The following COL23A1 variants were observed in gnomAD, a reference collection of about 807,000 sequenced individuals.
The protein encoded by COL23A1 is collagen type XXIII alpha 1 chain, also known as collagen alpha-1(XXIII) chain.
A neutral mutation model predicts 99.3 loss-of-function variants in COL23A1; 97 were observed. That is an observed-to-expected ratio of 0.98 (90% confidence interval 0.83 to 1.16). The LOEUF (loss-of-function observed/expected upper bound fraction) is 1.16, where lower values mean the gene tolerates loss of function less well. Among genes scored for constraint, COL23A1 ranks in the 50% most tolerant of loss-of-function variants. COL23A1 has a pLI of 0.00. For missense variants in COL23A1, 762 were observed against 757.4 expected (o/e 1.01, Z -0.07); for synonymous variants, 320 against 308.2 (o/e 1.04, Z -0.40).
At chr5:178,344,770 G>A (rs757803884) in intron 2 of COL23A1, 6 of 492,062 alleles carry the variant, frequency 1.2e-5, no homozygotes, top group African/African-American at 4.0e-5. Flanking sequence ...CTGTATGCCC[G>A]TTGCCTCCAG....
chr5:178,334,376 G>A (rs2973676), intron 2 of COL23A1, among the ~76,000 whole-genome samples: 76,067 of 152,102 alleles, frequency 0.5, 19,834 homozygotes, highest in East Asian at 0.81. Context: ...CCCTTTTGCC[G>A]AAAGAAATGA....
intron 8 of COL23A1, among the ~76,000 whole-genome samples, chr5:178,264,121 G>A (rs1016207503): frequency 1.3e-5 from 2 of 152,050 alleles, no homozygotes; most frequent in Admixed American, 1.3e-4. Context: ...TACACAAATC[G>A]ACGGGTGTGT....
chr5:178,323,587 G>A (rs947279743), intron 2 of COL23A1, among the ~76,000 whole-genome samples: 4 of 152,148 alleles, frequency 2.6e-5, no homozygotes, highest in African/African-American at 9.7e-5. Flanking sequence ...GGGAGCCCCT[G>A]CTGGGAGTGG....
At chr5:178,392,205 C>T (rs1167775801) in intron 2 of COL23A1, among the ~76,000 whole-genome samples, 1 of 150,884 alleles carries the variant, frequency 6.6e-6, no homozygotes, top group East Asian at 1.9e-4. Flanking sequence ...ATAAAAACCA[C>T]TGACTTCTGC....
At chr5:178,285,272 A>G (rs1398188609) in intron 5 of COL23A1, among the ~76,000 whole-genome samples, 2 of 152,172 alleles carry the variant, frequency 1.3e-5, no homozygotes, top group Admixed American at 1.3e-4. Flanking sequence ...AGTCTCCACC[A>G]CCAGAGTCTC....
chr5:178,285,573 G>C, intron 5 of COL23A1, among the ~76,000 whole-genome samples: 1 of 152,196 alleles, frequency 6.6e-6, no homozygotes, highest in Non-Finnish European at 1.5e-5. Context: ...GATATTTATA[G>C]AAGGGCTGCC....
At chr5:178,328,044 G>A (rs1342818988) in intron 2 of COL23A1, among the ~76,000 whole-genome samples, 1 of 151,902 alleles carries the variant, frequency 6.6e-6, no homozygotes, top group African/African-American at 2.4e-5. Context: ...CCAGGCCTGG[G>A]CTCTGGATCC....
At chr5:178,412,025 A>G (rs1301623743) in intron 2 of COL23A1, among the ~76,000 whole-genome samples, 1 of 152,228 alleles carries the variant, frequency 6.6e-6, no homozygotes, top group Non-Finnish European at 1.5e-5. Flanking sequence ...AGGCAAGTCC[A>G]TTGACAGAGT....
chr5:178,405,570 T>A (rs1247688248), intron 2 of COL23A1, among the ~76,000 whole-genome samples: 1 of 152,174 alleles, frequency 6.6e-6, no homozygotes, highest in Non-Finnish European at 1.5e-5. Flanking sequence ...TGACATGCAA[T>A]CGCACCTACT....
chr5:178,318,794 C>T (rs530049478), intron 2 of COL23A1, among the ~76,000 whole-genome samples: 7 of 151,512 alleles, frequency 4.6e-5, no homozygotes, highest in Admixed American at 1.3e-4. Flanking sequence ...TTCAGCTACT[C>T]GGGAGGCTGA....
At chr5:178,442,118 G>A (rs1766903595) in intron 2 of COL23A1, among the ~76,000 whole-genome samples, 2 of 151,956 alleles carry the variant, frequency 1.3e-5, no homozygotes, top group South Asian at 4.1e-4. Flanking sequence ...CCCCGAGCCT[G>A]GCCCCTGCTT....
rs1424994510 is a variant in COL23A1 at position 178,272,250 on chromosome 5, G to C, written c.442-1887C>G. On this transcript the variant is annotated intron_variant, in intron 5 of 28. Transcript: ENST00000390654. ...TGGTTCTGGACACAGCTGGGAGCTGGCCTCGTGCCTGCCAGGTAGGAGGTA... is the reference window on the plus strand; with the variant it reads ...TGGTTCTGGACACAGCTGGGAGCTGCCCTCGTGCCTGCCAGGTAGGAGGTA... 2.6e-5 allele frequency among the ~76,000 whole-genome samples: 4 copies of C among 152,190 alleles called. No homozygotes were observed. The East Asian group carries it at 7.7e-4, about 29-fold the overall frequency.
At chr5:178,327,398 A>T (rs1204589326) in intron 2 of COL23A1, among the ~76,000 whole-genome samples, 1 of 152,152 alleles carries the variant, frequency 6.6e-6, no homozygotes, top group Non-Finnish European at 1.5e-5. Context: ...GAAAACACCT[A>T]TGGAAAACCT....
chr5:178,371,618 C>T (rs975130941), intron 2 of COL23A1, among the ~76,000 whole-genome samples: 2 of 152,208 alleles, frequency 1.3e-5, no homozygotes, highest in Non-Finnish European at 2.9e-5. Flanking sequence ...CTTTGTGGCG[C>T]CCTGCCTGGC....
intron 19 of COL23A1, 87 bp downstream of exon 19, chr5:178,249,030 C>T: frequency 1.4e-6 from 2 of 1,387,164 alleles, no homozygotes; most frequent in South Asian, 2.3e-5. Flanking sequence ...GGGTCACGCC[C>T]TGGCCTCCCC....
intron 2 of COL23A1, among the ~76,000 whole-genome samples, chr5:178,510,402 TGTG>T (rs922726567): frequency 3.9e-5 from 6 of 152,062 alleles, no homozygotes; most frequent in African/African-American, 1.4e-4. Context: ...ACTAGCCAGG[TGTG>T]GTGGTGCACA....
chr5:178,362,237 G>T (rs773500809), intron 2 of COL23A1, among the ~76,000 whole-genome samples: 5 of 152,176 alleles, frequency 3.3e-5, no homozygotes, highest in South Asian at 2.1e-4. Context: ...TTTCCACCCA[G>T]AGCCCAAGTG....
chr5:178,443,674 T>C (rs1057075956), intron 2 of COL23A1, among the ~76,000 whole-genome samples: 1 of 151,740 alleles, frequency 6.6e-6, no homozygotes, highest in African/African-American at 2.4e-5. Flanking sequence ...GCCAGACTGG[T>C]TTCAAACTCC....
Position 178,416,274 on chromosome 5 carries a change from C to T in COL23A1, c.362-109355G>A, listed in dbSNP as rs1029749115. On this transcript the variant is annotated intron_variant, in intron 2 of 28. Coordinates refer to ENST00000390654, the MANE Select transcript of COL23A1 (RefSeq NM_173465.4). The stretch of plus-strand genomic sequence containing the variant: ...CCAATATAGACAAGAGATGAGCATC[C>T]GGGTTGTTGAGAGGTTCAGTCTTAG... Among the ~76,000 whole-genome samples, 9 of 152,276 alleles carry T rather than the reference C, an allele frequency of 5.9e-5. No homozygotes were observed. The East Asian group carries it at 9.7e-4, about 16-fold the overall frequency.
Sources: gnomAD v4.1 joint callset for allele counts (sites outside exome capture counted in the v4.1 genomes callset) on GRCh38, gnomAD v4.1.1 for gene constraint, MANE v1.5 for transcripts, NCBI Gene and HGNC (gene_info 2026-07-23, HGNC 2026-07-21) for gene names.